Variants in SMARCE1 observed in about 807,000 individuals in gnomAD.
The protein encoded by SMARCE1 is SWI/SNF related BAF chromatin remodeling complex subunit E1, also known as SWI/SNF-related matrix-associated actin-dependent regulator of chromatin subfamily E member 1.
SMARCE1 carries 13 observed loss-of-function variants against 54.9 expected under a neutral mutation model. The observed-to-expected ratio is 0.24, with a 90% CI of 0.15 to 0.38. The LOEUF (loss-of-function observed/expected upper bound fraction) is 0.38. Among genes scored for constraint, SMARCE1 ranks in the 10% least tolerant of loss-of-function variants. The probability of loss-of-function intolerance (pLI) is 1.00; values close to 1 mark genes in which losing one functional copy is unlikely to be tolerated. For synonymous variants in SMARCE1, 151 were observed against 175.3 expected, an observed-to-expected ratio of 0.86 and a Z score of 1.10; for missense variants, 295 against 523.8, an observed-to-expected ratio of 0.56 and a Z score of 4.26.
rs1406704775 is a variant in SMARCE1, at chr17:40,625,447, T to C, written c.*3338A>G. On this transcript the variant is annotated 3_prime_UTR_variant, in exon 11 of 11. Coordinates refer to ENST00000348513, the MANE Select transcript of SMARCE1 (RefSeq NM_003079.5). ...TGTTCCAGCAAGGTTTGCCCAGCGG[T>C]AAAAAACAAGATAAAACTAATGCAC... 2 of 152,140 alleles carry C rather than the reference T, an allele frequency of 1.3e-5. No individual in the cohort carries two copies. Among genetic ancestry groups the C allele is most frequent in the South Asian group, 4.1e-4 (2 of 4,828 alleles). The allele number at this position is 152,140 out of a possible 1,614,324, so 9.4% of individuals were successfully genotyped here.
At position 40,636,070 on chromosome 17, in the gene SMARCE1, A is replaced by G. The variant is rs1597746120; in HGVS notation, c.402T>C (p.His134=). The change falls in exon 7 of 11, where the codon CAT becomes CAC. Residue 134 remains histidine (H), a synonymous_variant. Coordinates refer to ENST00000348513, the MANE Select transcript of SMARCE1 (RefSeq NM_003079.5). ...IEYNESMKAY[H]NSPAYLAYIN... ...TGTAAGCAAGGTACGCGGGGGAATT[A>G]TGATAGGCCTTCATAGATTCATTGT... 6.2e-7 allele frequency: 1 copy of G among 1,610,780 alleles called. No homozygotes were observed. Among genetic ancestry groups the G allele is most frequent in the Non-Finnish European group, 8.5e-7 (1 of 1,179,022 alleles).
At chr17:40,634,952 T>C (rs1347915229) in intron 7 of SMARCE1, 1 of 152,194 alleles carries the variant, frequency 6.6e-6, no homozygotes, top group Non-Finnish European at 1.5e-5. Context: ...CCATATTCTA[T>C]TCTCTATAGT....
At position 40,637,591 on chromosome 17, in the gene SMARCE1, C is replaced by T. The variant is rs764169018; in HGVS notation, c.157-19G>A. 1 of 1,590,792 alleles carries T rather than the reference C, an allele frequency of 6.3e-7. No individual in the cohort carries two copies. The highest frequency in any genetic ancestry group is 1.7e-5 in the Admixed American group (1 of 59,932). On this transcript the variant is annotated intron_variant, in intron 4 of 10. Transcript: ENST00000348513. ...AGGATGCCTACGAAAGAGTTAAATACATTCATTATTCAACTGTAAGGAGTT... is the reference window on the plus strand; with the variant it reads ...AGGATGCCTACGAAAGAGTTAAATATATTCATTATTCAACTGTAAGGAGTT...
At chr17:40,637,660 G>A (rs2037159545) in intron 4 of SMARCE1, 88 bp from the exon 5 acceptor site, 9 of 933,702 alleles carry the variant, frequency 9.6e-6, no homozygotes, top group Middle Eastern at 2.2e-4. Flanking sequence ...ATTCTAATGC[G>A]CCTTTCTTCT....
intron 1 of SMARCE1, 78 bp downstream of exon 1, chr17:40,647,695 G>C (rs1406946624): frequency 6.5e-6 from 1 of 152,742 alleles, no homozygotes; most frequent in Non-Finnish European, 1.5e-5. Context: ...GCAACCCCCG[G>C]GAACTCGGGG....
At chr17:40,629,465 A>G in intron 10 of SMARCE1, 1 of 1,024,080 alleles carries the variant, frequency 9.8e-7, no homozygotes, top group Non-Finnish European at 1.3e-6. Flanking sequence ...AGTGAATGAG[A>G]GTTAGTCTGT....
chr17:40,638,258 G>T (rs1162922755), intron 4 of SMARCE1, among the ~76,000 whole-genome samples: 1 of 152,048 alleles, frequency 6.6e-6, no homozygotes, highest in East Asian at 1.9e-4. Flanking sequence ...AGTTTATCAG[G>T]AACAGAGAAG....
Position 40,629,155 on chromosome 17 carries a change from G to T in SMARCE1, c.1028-162C>A. On this transcript the variant is annotated intron_variant, in intron 10 of 10. Coordinates refer to ENST00000348513, the MANE Select transcript of SMARCE1 (RefSeq NM_003079.5). ...GACTAAAGAACTTTTAAGAATGTTG[G>T]AACAATTTGGGTATGAAAATCTACT... 6 of 588,218 alleles carry T rather than the reference G, an allele frequency of 1.0e-5. No individual in the cohort carries two copies. In the South Asian group the frequency reaches 1.5e-4, roughly 14 times the overall value. The allele number at this position is 588,218 out of a possible 1,614,324, so 36.4% of individuals were successfully genotyped here. A position where few individuals can be genotyped will look rare whatever the true frequency, so the allele number is the denominator to read the frequency against.
In SMARCE1 at chr17:40,642,641, T is replaced by C; in HGVS notation, c.52-82A>G. 1 of 848,194 alleles carries C rather than the reference T, an allele frequency of 1.2e-6. No individual in the cohort carries two copies. The highest frequency in any genetic ancestry group is 2.5e-5 in the East Asian group (1 of 39,954). 52.5% of individuals were successfully genotyped at this position (848,194 alleles called of 1,614,324 possible). On this transcript the variant is annotated intron_variant, in intron 3 of 10. Coordinates refer to ENST00000348513, the MANE Select transcript of SMARCE1 (RefSeq NM_003079.5). The surrounding 1 kb of genome is among the most constrained non-coding windows in gnomAD (Gnocchi z 4.6). ...ACACAGAAATGAAAAATGATCTGCA[T>C]ATGGCATGCAAAAGCAACCTGAATT...
At chr17:40,631,549 C>T (rs1339219175) in intron 9 of SMARCE1, 43 bp downstream of exon 9, 1 of 957,490 alleles carries the variant, frequency 1.0e-6, no homozygotes, top group East Asian at 2.4e-5. Flanking sequence ...AATAAAGTAA[C>T]AGGTATAGTG....
Position 40,628,735 on chromosome 17 carries a change from A to C in SMARCE1, c.*50T>G, listed in dbSNP as rs1555605049. The C allele has an allele frequency of 1.3e-6, 2 of 1,501,192 alleles. No homozygotes were observed. Among genetic ancestry groups the C allele is most frequent in the South Asian group, 2.3e-5 (2 of 87,812 alleles). The allele number at this position is 1,501,192 out of a possible 1,614,324, so 93.0% of individuals were successfully genotyped here. ...CACGTAACACCATTAAAACCAAAAA[A>C]CATTTTTTCATTAAAAAAAGTATTT... On this transcript the variant is annotated 3_prime_UTR_variant, in exon 11 of 11. Coordinates refer to ENST00000348513, the MANE Select transcript of SMARCE1 (RefSeq NM_003079.5).
intron 4 of SMARCE1, chr17:40,640,505 T>C (rs1470819388): frequency 6.6e-6 from 1 of 152,174 alleles, no homozygotes; most frequent in East Asian, 1.9e-4. Context: ...ACTAATGCAA[T>C]CTGCGCACAA....
chr17:40,637,257 G>A, intron 5 of SMARCE1: 1 of 507,936 alleles, frequency 2.0e-6, no homozygotes, highest in Admixed American at 3.4e-5. Context: ...TGACTTTAAT[G>A]GCTATAGAAC....
chr17:40,634,858 C>T (rs552132455), intron 7 of SMARCE1: 2 of 152,282 alleles, frequency 1.3e-5, no homozygotes, highest in African/African-American at 2.4e-5. Flanking sequence ...GCATTAATCA[C>T]CCCATTTGAG....
chr17:40,632,576 C>T (rs2143989016), intron 7 of SMARCE1: 1 of 522,120 alleles, frequency 1.9e-6, no homozygotes, highest in Admixed American at 3.5e-5. Context: ...TAATTTATCT[C>T]ACAGTCTTTA....
At chr17:40,636,882 C>A (rs1254056426) in intron 5 of SMARCE1, 1 of 178,970 alleles carries the variant, frequency 5.6e-6, no homozygotes, top group African/African-American at 2.4e-5. Flanking sequence ...GCTTAATTTG[C>A]ATAACACGGT....
chr17:40,625,531 T>C lies in SMARCE1; in HGVS notation c.*3254A>G, dbSNP rs1203799107. 3.3e-5 allele frequency: 5 copies of C among 152,012 alleles called. No individual in the cohort carries two copies. Among genetic ancestry groups the C allele is most frequent in the Non-Finnish European group, 5.9e-5 (4 of 68,026 alleles). 9.4% of individuals were successfully genotyped at this position (152,012 alleles called of 1,614,324 possible). ...AGTGCTTGGGGGTGGAGGGAAACTA[T>C]TTCTGAAATGAGGACTTAAAGTATA... On this transcript the variant is annotated 3_prime_UTR_variant, in exon 11 of 11. Transcript: ENST00000348513.
intron 7 of SMARCE1, chr17:40,635,413 G>A (rs1041149687): frequency 2.6e-5 from 4 of 152,022 alleles, no homozygotes; most frequent in Non-Finnish European, 5.9e-5. Context: ...TCTGCCATTC[G>A]TGTGCATGTA....
rs1027905944 is a variant in SMARCE1, at chr17:40,626,406, G to C, written c.*2379C>G. 6.6e-6 allele frequency: 1 copy of C among 152,076 alleles called. No homozygotes were observed. The highest frequency in any genetic ancestry group is 1.5e-5 in the Non-Finnish European group (1 of 68,010). The allele number at this position is 152,076 out of a possible 1,614,324, so 9.4% of individuals were successfully genotyped here. Reference sequence around the variant, plus strand: ...TCTATTTTATAATTAAAACAGGCTCGAGTTCAAGCTACTTGCCCAGCACCT... The same window carrying C: ...TCTATTTTATAATTAAAACAGGCTCCAGTTCAAGCTACTTGCCCAGCACCT... On this transcript the variant is annotated 3_prime_UTR_variant, in exon 11 of 11. Coordinates refer to ENST00000348513, the MANE Select transcript of SMARCE1 (RefSeq NM_003079.5).
Sources: allele counts gnomAD v4.1 joint callset (sites outside exome capture counted in the v4.1 genomes callset), GRCh38; gene constraint gnomAD v4.1.1; non-coding constraint Gnocchi (gnomAD v3.1); transcripts MANE v1.5; gene names NCBI Gene and HGNC (gene_info 2026-07-23, HGNC 2026-07-21).